Variants in BMPR1A observed in about 807,000 individuals in gnomAD.
BMPR1A encodes the protein bone morphogenetic protein receptor type 1A.
In BMPR1A, 7 loss-of-function variants were observed where a neutral mutation model predicts 66.0. The observed-to-expected ratio is 0.11, with a 90% CI of 0.06 to 0.20. BMPR1A has a LOEUF of 0.20. Ranked by LOEUF, BMPR1A falls within the 10% of genes least tolerant of loss-of-function variation. The probability of loss-of-function intolerance (pLI) is 1.00; values close to 1 mark genes in which losing one functional copy is unlikely to be tolerated. For synonymous variants in BMPR1A, 200 were observed against 229.7 expected (o/e 0.87, Z 1.17); for missense variants, 408 against 669.1 (o/e 0.61, Z 4.31).
chr10:86,916,396 TCA>T (rs932973464), intron 8 of BMPR1A, among the ~76,000 whole-genome samples: 20 of 152,364 alleles, frequency 1.3e-4, no homozygotes, highest in African/African-American at 4.6e-4. Context: ...GTGGTGTAGT[TCA>T]CACCCTTGGC....
rs1841590920 is a variant in BMPR1A at position 86,790,191 on chromosome 10, ATATATATATATAT to A, written c.-268+33273_-268+33285del. Among the ~76,000 whole-genome samples, 27 of 9,322 alleles carry A rather than the reference ATATATATATATAT, an allele frequency of 2.9e-3. 1 individual carries two copies. Among genetic ancestry groups the A allele is most frequent in the African/African-American group, 4.0e-3 (6 of 1,482 alleles). 6.1% of individuals were successfully genotyped at this position (9,322 alleles called of 152,430 possible). The stretch of plus-strand genomic sequence containing the variant: ...AAAAAAAAAAAAAAAAAAAAAAAAT[ATATATATATATAT>A]ATATATATATATATATATATATATA... On this transcript the variant is annotated intron_variant, in intron 1 of 12. Coordinates refer to ENST00000372037, the MANE Select transcript of BMPR1A (RefSeq NM_004329.3).
At chr10:86,895,573 T>C (rs1304754933) in intron 5 of BMPR1A, among the ~76,000 whole-genome samples, 1 of 152,030 alleles carries the variant, frequency 6.6e-6, no homozygotes, top group Non-Finnish European at 1.5e-5. Flanking sequence ...GGTATAATAG[T>C]CTCCTTCCGT....
chr10:86,919,730 C>T (rs1843635018), intron 10 of BMPR1A, among the ~76,000 whole-genome samples: 2 of 150,716 alleles, frequency 1.3e-5, no homozygotes, highest in Non-Finnish European at 2.9e-5. Context: ...TTTTTAAAGA[C>T]AGTGTCTCAC....
intron 1 of BMPR1A, among the ~76,000 whole-genome samples, chr10:86,792,654 C>G (rs1391967570): frequency 6.6e-6 from 1 of 152,060 alleles, no homozygotes; most frequent in East Asian, 1.9e-4. Context: ...ACAAACAGAA[C>G]TTCAGACATG....
chr10:86,797,541 T>C (rs1165047080), intron 1 of BMPR1A, among the ~76,000 whole-genome samples: 1 of 152,054 alleles, frequency 6.6e-6, no homozygotes, highest in African/African-American at 2.4e-5. Context: ...AATTTTTGTA[T>C]TTTTAGTAGA....
intron 1 of BMPR1A, among the ~76,000 whole-genome samples, chr10:86,804,909 T>A (rs1238212723): frequency 6.7e-6 from 1 of 150,038 alleles, no homozygotes. Context: ...AATCAAGGGA[T>A]CCAAAATAGG....
intron 1 of BMPR1A, among the ~76,000 whole-genome samples, chr10:86,776,690 G>T (rs547831479): frequency 8.1e-4 from 124 of 152,236 alleles, no homozygotes; most frequent in Non-Finnish European, 1.5e-3. Flanking sequence ...TCAATCTCAT[G>T]ATACATCTTG....
chr10:86,760,200 T>G (rs1343871245), intron 1 of BMPR1A, among the ~76,000 whole-genome samples: 1 of 149,080 alleles, frequency 6.7e-6, no homozygotes, highest in African/African-American at 2.5e-5. Flanking sequence ...TTTTTTTTTT[T>G]TTTTTTTTTA....
At chr10:86,843,150 A>G (rs1044862050) in intron 2 of BMPR1A, among the ~76,000 whole-genome samples, 2 of 152,158 alleles carry the variant, frequency 1.3e-5, no homozygotes, top group African/African-American at 4.8e-5. Flanking sequence ...TTGTTTAGAA[A>G]ATGTTTAATT....
chr10:86,833,595 G>A (rs749593372), intron 1 of BMPR1A, among the ~76,000 whole-genome samples: 1 of 152,178 alleles, frequency 6.6e-6, no homozygotes, highest in Non-Finnish European at 1.5e-5. Flanking sequence ...GCCAAAAAGT[G>A]ACTGCCGGTA....
intron 1 of BMPR1A, among the ~76,000 whole-genome samples, chr10:86,792,555 G>A (rs1202156338): frequency 6.6e-6 from 1 of 152,094 alleles, no homozygotes; most frequent in Non-Finnish European, 1.5e-5. Context: ...CATCACTTTG[G>A]GAGGCCAAGG....
chr10:86,883,549 C>CAAAAAAAAAAAAAAAAAAAA (rs71019436), intron 3 of BMPR1A, among the ~76,000 whole-genome samples: 1 of 45,414 alleles, frequency 2.2e-5, no homozygotes, highest in African/African-American at 7.1e-5. Context: ...GACTCCGTCT[C>CAAAAAAAAAAAAAAAAAAAA]AAAAAAAAAA....
chr10:86,835,548 TCAAAAAAAAAAAAAAAAAAAAAAAAA>T (rs1842332224), intron 1 of BMPR1A, among the ~76,000 whole-genome samples: 3 of 11,282 alleles, frequency 2.7e-4, no homozygotes, highest in African/African-American at 1.2e-3. Flanking sequence ...AGACTCTGTA[TCAAAAAAAAAAAAAAAAAAAAAAAAA>T]AAAAAAAAAA....
At chr10:86,768,995 C>T (rs1841209207) in intron 1 of BMPR1A, among the ~76,000 whole-genome samples, 1 of 152,224 alleles carries the variant, frequency 6.6e-6, no homozygotes, top group Admixed American at 6.5e-5. Flanking sequence ...ATAAGCAGGA[C>T]AGTTCTATCT....
At chr10:86,863,120 G>T (rs1842734665) in intron 2 of BMPR1A, among the ~76,000 whole-genome samples, 1 of 151,900 alleles carries the variant, frequency 6.6e-6, no homozygotes, top group Non-Finnish European at 1.5e-5. Context: ...TGGGATTACA[G>T]GCACCCACCA....
chr10:86,903,681 C>T (rs563245997), intron 7 of BMPR1A, among the ~76,000 whole-genome samples: 5 of 147,304 alleles, frequency 3.4e-5, no homozygotes, highest in Non-Finnish European at 6.0e-5. Flanking sequence ...GCACGATCTC[C>T]GCTCAATGCA....
At chr10:86,858,672 A>T (rs1842676584) in intron 2 of BMPR1A, among the ~76,000 whole-genome samples, 1 of 152,202 alleles carries the variant, frequency 6.6e-6, no homozygotes. Context: ...AAAAGAAGAG[A>T]GTAATCCATT....
chr10:86,857,254 C>G (rs1319225515), intron 2 of BMPR1A, among the ~76,000 whole-genome samples: 1 of 152,114 alleles, frequency 6.6e-6, no homozygotes, highest in African/African-American at 2.4e-5. Flanking sequence ...AGCATAATCT[C>G]CCCCATTCTG....
intron 1 of BMPR1A, among the ~76,000 whole-genome samples, chr10:86,758,943 C>T (rs1840982439): frequency 6.6e-6 from 1 of 152,224 alleles, no homozygotes; most frequent in Non-Finnish European, 1.5e-5. Flanking sequence ...GGGTCCAAGG[C>T]AGTAAGATAC....
Sources: allele counts gnomAD v4.1 joint callset (sites outside exome capture counted in the v4.1 genomes callset), GRCh38; gene constraint gnomAD v4.1.1; transcripts MANE v1.5; gene names NCBI Gene and HGNC (gene_info 2026-07-23, HGNC 2026-07-21).